Variants in SLC12A8 observed in about 807,000 individuals in gnomAD.
SLC12A8 encodes the protein cation-chloride cotransporter 9.
A neutral mutation model predicts 75.6 loss-of-function variants in SLC12A8; 69 were observed. That is an observed-to-expected ratio of 0.91 (90% CI 0.75 to 1.11). The LOEUF is 1.11. SLC12A8 is among the 50% of genes most tolerant of loss of function. SLC12A8 has a pLI of 0.00. For missense variants in SLC12A8, 877 were observed against 896.7 expected (o/e 0.98, Z 0.28); for synonymous variants, 365 against 372.8 (o/e 0.98, Z 0.24).
Position 125,165,406 on chromosome 3 carries a change from C to T in SLC12A8, c.622+12337G>A, listed in dbSNP as rs979674435. ...GCACTGCAGGGCCCTTCCAGGCTGC[C>T]CTAGCTCACTGGAGCCCAGAAGACC... is the stretch of plus-strand genomic sequence containing the variant. On this transcript the variant is annotated intron_variant, in intron 5 of 13. Coordinates refer to ENST00000469902, the MANE Select transcript of SLC12A8 (RefSeq NM_024628.6). 4.3e-4 allele frequency among the ~76,000 whole-genome samples: 65 copies of T among 152,352 alleles called. 1 individual carries two copies. Among genetic ancestry groups the T allele is most frequent in the African/African-American group, 1.5e-3 (62 of 41,582 alleles).
chr3:125,098,404 T>A (rs1350164124), intron 10 of SLC12A8, among the ~76,000 whole-genome samples: 2 of 152,198 alleles, frequency 1.3e-5, no homozygotes. Flanking sequence ...GGTTGTTTCC[T>A]TGATAAACAG....
chr3:125,190,435 G>A lies in SLC12A8; in HGVS notation c.138C>T (p.Phe46=). Residue 46 remains phenylalanine (F), a synonymous_variant, in exon 3 of 14, where the codon TTC becomes TTT. Transcript: ENST00000469902. ...PVLFGTWDGV[F]TSCMINIFGV... Reference sequence around the variant, plus strand: ...CAAAGATGTTGATCATGCAGGATGTGAACACACCATCCCAGGTCCCAAACA... The same window carrying A: ...CAAAGATGTTGATCATGCAGGATGTAAACACACCATCCCAGGTCCCAAACA... 1 of 1,614,174 alleles carries A rather than the reference G, an allele frequency of 6.2e-7. No individual in the cohort carries two copies. The highest frequency in any genetic ancestry group is 8.5e-7 in the Non-Finnish European group (1 of 1,180,010).
chr3:125,189,040 T>C (rs1934855980), intron 3 of SLC12A8, among the ~76,000 whole-genome samples: 1 of 152,248 alleles, frequency 6.6e-6, no homozygotes, highest in South Asian at 2.1e-4. Flanking sequence ...ACTAATTGTT[T>C]AGTCAAACAC....
At chr3:125,191,399 G>T (rs1934906575) in intron 2 of SLC12A8, among the ~76,000 whole-genome samples, 1 of 148,184 alleles carries the variant, frequency 6.7e-6, no homozygotes, top group African/African-American at 2.5e-5. Flanking sequence ...CTCTTATGTA[G>T]GTTTGGCAAT....
At chr3:125,193,550 G>C (rs1934948115) in intron 2 of SLC12A8, among the ~76,000 whole-genome samples, 1 of 152,226 alleles carries the variant, frequency 6.6e-6, no homozygotes, top group South Asian at 2.1e-4. Flanking sequence ...GCTCTGTCCT[G>C]CGTGCTCTCC....
rs1939058662 is a variant in SLC12A8 at position 125,107,509 on chromosome 3, C to T, written c.1677G>A (p.Leu559=). The T allele has an allele frequency of 6.2e-7, 1 of 1,611,592 alleles. No individual in the cohort carries two copies. Among genetic ancestry groups the T allele is most frequent in the Non-Finnish European group, 8.5e-7 (1 of 1,177,858 alleles). The change falls in exon 10 of 14, where the codon CTG becomes CTA. Residue 559 remains leucine (L), a synonymous_variant. Transcript: ENST00000469902. ...GTYGEQLVPE[L]CNQSESSGED... ...CTCCACTGGACTCTGATTGGTTGCA[C>T]AGCTCAGGAACAAGTTGCTCTCCAT...
intron 8 of SLC12A8, among the ~76,000 whole-genome samples, chr3:125,112,979 G>A (rs57694367): frequency 6.6e-6 from 1 of 152,182 alleles, no homozygotes; most frequent in Non-Finnish European, 1.5e-5. Flanking sequence ...GGAGAGTCAG[G>A]CATGGCATCT....
intron 10 of SLC12A8, among the ~76,000 whole-genome samples, chr3:125,096,156 T>A (rs1310221319): frequency 3.3e-5 from 5 of 152,142 alleles, no homozygotes; most frequent in Admixed American, 6.5e-5. Flanking sequence ...ACATGCCAGG[T>A]CCTCTACCTG....
intron 6 of SLC12A8, among the ~76,000 whole-genome samples, chr3:125,122,945 GA>G (rs912425542): frequency 7.9e-5 from 12 of 151,868 alleles, no homozygotes; most frequent in South Asian, 2.1e-4. Context: ...AAGGTGCTAT[GA>G]AAAAAAATCC....
intron 2 of SLC12A8, among the ~76,000 whole-genome samples, chr3:125,195,144 G>A (rs1934983053): frequency 6.6e-6 from 1 of 152,236 alleles, no homozygotes; most frequent in Non-Finnish European, 1.5e-5. Flanking sequence ...ATTTCTTCAG[G>A]GAAGTTGGAA....
intron 10 of SLC12A8, among the ~76,000 whole-genome samples, chr3:125,093,197 T>G (rs972527059): frequency 2.0e-5 from 3 of 152,210 alleles, no homozygotes; most frequent in African/African-American, 7.2e-5. Context: ...TTCAAATAAA[T>G]GATATGTTGA....
At chr3:125,150,934 A>T (rs1445955466) in intron 5 of SLC12A8, among the ~76,000 whole-genome samples, 1 of 152,174 alleles carries the variant, frequency 6.6e-6, no homozygotes, top group Non-Finnish European at 1.5e-5. Flanking sequence ...CTTACAATCC[A>T]GATTCCCGGG....
rs777797978 is a variant in SLC12A8 at position 125,187,257 on chromosome 3, GC to G, written c.369del (p.Leu124CysfsTer56). On this transcript the variant is annotated frameshift_variant, in exon 4 of 14. Transcript: ENST00000469902. LOFTEE classifies it high-confidence loss of function. ...VLGGQTGGTI[G>X]LLYVFGQCVA... The stretch of plus-strand genomic sequence containing the variant: ...CTCACCTGTCCAAACACATAGAGCA[GC>G]CCGATGGTGCCTCCCGTCTGCCCAC... 6.2e-7 allele frequency: 1 copy of G among 1,614,138 alleles called. No homozygotes were observed. The highest frequency in any genetic ancestry group is 8.5e-7 in the Non-Finnish European group (1 of 1,179,996).
At chr3:125,170,983 G>A (rs1396026353) in intron 5 of SLC12A8, among the ~76,000 whole-genome samples, 3 of 152,176 alleles carry the variant, frequency 2.0e-5, no homozygotes, top group African/African-American at 7.2e-5. Context: ...CTGGGGAGTA[G>A]GAGTGGGAAA....
chr3:125,164,133 G>C (rs1260467268), intron 5 of SLC12A8, among the ~76,000 whole-genome samples: 1 of 152,174 alleles, frequency 6.6e-6, no homozygotes, highest in South Asian at 2.1e-4. Flanking sequence ...AGACTGGCAG[G>C]TTCTCAGACC....
chr3:125,136,432 A>C (rs966137305), intron 5 of SLC12A8, among the ~76,000 whole-genome samples: 1 of 151,908 alleles, frequency 6.6e-6, no homozygotes, highest in Non-Finnish European at 1.5e-5. Context: ...CTTTATAAGC[A>C]CTCCCTAATC....
At chr3:125,135,369 G>A (rs138425245) in intron 6 of SLC12A8, among the ~76,000 whole-genome samples, 1 of 152,274 alleles carries the variant, frequency 6.6e-6, no homozygotes, top group East Asian at 1.9e-4. Context: ...AGGTGTCAAT[G>A]TATAAGGAGT....
chr3:125,087,110 T>G (rs1251694974), intron 13 of SLC12A8, among the ~76,000 whole-genome samples: 1 of 151,410 alleles, frequency 6.6e-6, no homozygotes, highest in Admixed American at 6.6e-5. Flanking sequence ...TTTTTTTTTT[T>G]TTGAGATGGA....
intron 6 of SLC12A8, among the ~76,000 whole-genome samples, chr3:125,122,771 C>G (rs1933096573): frequency 6.6e-6 from 1 of 152,124 alleles, no homozygotes; most frequent in Non-Finnish European, 1.5e-5. Context: ...CAAGATCACC[C>G]AATGTGTGAT....
Sources: gnomAD v4.1 joint callset for allele counts (sites outside exome capture counted in the v4.1 genomes callset) on GRCh38, gnomAD v4.1.1 for gene constraint, MANE v1.5 for transcripts, NCBI Gene and HGNC (gene_info 2026-07-23, HGNC 2026-07-21) for gene names.